Variants in CCDC181 observed in about 807,000 individuals in gnomAD.
The protein encoded by CCDC181 is coiled-coil domain containing 181, also known as coiled-coil domain-containing protein 181.
CCDC181 carries 35 observed loss-of-function variants against 58.7 expected under a neutral mutation model. The observed-to-expected ratio is 0.60, with a 90% confidence interval of 0.46 to 0.79. The LOEUF is 0.79. Ranked by LOEUF, CCDC181 falls within the 30% of genes least tolerant of loss-of-function variation. The pLI is 0.00. For missense variants in CCDC181, 517 were observed against 583.9 expected (o/e 0.89, Z 1.18); for synonymous variants, 183 against 197.5 (o/e 0.93, Z 0.62).
At chr1:169,411,863 C>T (rs892868740) in intron 4 of CCDC181, among the ~76,000 whole-genome samples, 15 of 152,096 alleles carry the variant, frequency 9.9e-5, no homozygotes, top group Non-Finnish European at 2.2e-4. Flanking sequence ...AAACTAGGTA[C>T]TGATGGCACG....
At chr1:169,454,099 A>AAAAAGC (rs1304457963) in intron 2 of CCDC181, among the ~76,000 whole-genome samples, 38 of 152,178 alleles carry the variant, frequency 2.5e-4, no homozygotes, top group Middle Eastern at 3.4e-3. Flanking sequence ...TTTAGAATGT[A>AAAAAGC]CTCATTATAA....
At chr1:169,438,125 C>T (rs188723014) in intron 2 of CCDC181, among the ~76,000 whole-genome samples, 5 of 152,220 alleles carry the variant, frequency 3.3e-5, no homozygotes, top group Admixed American at 6.5e-5. Context: ...ATATCCCTCT[C>T]TCCATTATAT....
chr1:169,431,194 C>T (rs941980556), upstream of CCDC181, among the ~76,000 whole-genome samples: 6 of 152,132 alleles, frequency 3.9e-5, no homozygotes, highest in African/African-American at 1.4e-4. Flanking sequence ...GATTTTATAT[C>T]CTGAAACTTT....
intron 4 of CCDC181, among the ~76,000 whole-genome samples, chr1:169,400,490 C>G (rs903339125): frequency 1.3e-5 from 2 of 151,816 alleles, no homozygotes; most frequent in Non-Finnish European, 2.9e-5. Flanking sequence ...AAATGTGACC[C>G]ATAATCCAGA....
At chr1:169,410,346 C>G (rs1193664066) in intron 4 of CCDC181, among the ~76,000 whole-genome samples, 1 of 152,160 alleles carries the variant, frequency 6.6e-6, no homozygotes, top group Admixed American at 6.5e-5. Flanking sequence ...AGCTAACTAT[C>G]CTAAATATAT....
chr1:169,409,345 G>GA (rs1655833693), intron 4 of CCDC181, among the ~76,000 whole-genome samples: 1 of 152,118 alleles, frequency 6.6e-6, no homozygotes. Flanking sequence ...AGAGAAAAAA[G>GA]AATGAAAAGG....
chr1:169,414,305 T>G (rs937281859), intron 4 of CCDC181, among the ~76,000 whole-genome samples: 1 of 152,126 alleles, frequency 6.6e-6, no homozygotes, highest in Non-Finnish European at 1.5e-5. Flanking sequence ...CCCACAACAC[T>G]TGAAAATACA....
Position 169,422,004 on chromosome 1 carries a change from GTTC to G in CCDC181, c.424_426del (p.Glu142del), listed in dbSNP as rs1424011687. 1 of 1,613,852 alleles carries G rather than the reference GTTC, an allele frequency of 6.2e-7. No homozygotes were observed. The highest frequency in any genetic ancestry group is 8.5e-7 in the Non-Finnish European group (1 of 1,179,976). ...TTTCGCTCCCTTTTATCATTCACCG[GTTC>G]TTGATTCTGTAGAAGCTTGTTAGCT... On this transcript the variant is annotated inframe_deletion, in exon 3 of 6. Transcript: ENST00000367806.
intron 4 of CCDC181, among the ~76,000 whole-genome samples, chr1:169,411,144 A>G (rs1358369119): frequency 6.6e-6 from 1 of 152,200 alleles, no homozygotes; most frequent in Non-Finnish European, 1.5e-5. Context: ...CGCTATCCAG[A>G]CTAATAAAGA....
upstream of CCDC181, among the ~76,000 whole-genome samples, chr1:169,428,374 T>C (rs1656802109): frequency 6.6e-6 from 1 of 152,210 alleles, no homozygotes; most frequent in Non-Finnish European, 1.5e-5. Context: ...TCTCCTTTAA[T>C]GGATGTAGAG....
intron 2 of CCDC181, among the ~76,000 whole-genome samples, chr1:169,445,103 G>A (rs1023503688): frequency 6.6e-6 from 1 of 152,050 alleles, no homozygotes; most frequent in African/African-American, 2.4e-5. Flanking sequence ...GTATAACAAG[G>A]TCTTTCCCAT....
chr1:169,399,553 G>C (rs1244842592), intron 4 of CCDC181, among the ~76,000 whole-genome samples: 1 of 152,044 alleles, frequency 6.6e-6, no homozygotes, highest in African/African-American at 2.4e-5. Flanking sequence ...CTCAATAGTG[G>C]AGGGAACCAA....
chr1:169,415,861 T>C lies in CCDC181; in HGVS notation c.1215+3152A>G, dbSNP rs1008096634. ...CACTTGCCACGTATTTCTATGGCCATATCCTCATCACACAAACTACTCCAC... is the reference window on the plus strand; with the variant it reads ...CACTTGCCACGTATTTCTATGGCCACATCCTCATCACACAAACTACTCCAC... On this transcript the variant is annotated intron_variant, in intron 4 of 5. Coordinates refer to ENST00000367806, the MANE Select transcript of CCDC181 (RefSeq NM_001300969.2). Among the ~76,000 whole-genome samples, 11 of 152,300 alleles carry C rather than the reference T, an allele frequency of 7.2e-5. No homozygotes were observed. In the South Asian group the frequency reaches 2.3e-3, roughly 32 times the overall value.
chr1:169,441,961 T>A (rs1256307976), intron 2 of CCDC181, among the ~76,000 whole-genome samples: 1 of 152,134 alleles, frequency 6.6e-6, no homozygotes, highest in African/African-American at 2.4e-5. Flanking sequence ...TTATCTGTCA[T>A]CATTTACTAT....
intron 2 of CCDC181, chr1:169,442,506 G>A (rs1466533280): frequency 6.6e-6 from 1 of 152,074 alleles, no homozygotes; most frequent in African/African-American, 2.4e-5. Flanking sequence ...CCAGAAAGTA[G>A]AATGTGATAA....
At chr1:169,411,217 T>A (rs1655944841) in intron 4 of CCDC181, among the ~76,000 whole-genome samples, 1 of 152,150 alleles carries the variant, frequency 6.6e-6, no homozygotes, top group African/African-American at 2.4e-5. Context: ...TCACCACTGA[T>A]TTCACAGAAA....
intron 2 of CCDC181, among the ~76,000 whole-genome samples, chr1:169,422,930 T>TA (rs1455654262): frequency 3.3e-5 from 5 of 151,002 alleles, no homozygotes; most frequent in Admixed American, 1.3e-4. Flanking sequence ...GGCCTTAAAT[T>TA]AAAAAAAGTT....
In CCDC181 at chr1:169,395,076, GT is replaced by G; in HGVS notation, c.1500del (p.Lys500AsnfsTer15). 1 of 1,607,308 alleles carries G rather than the reference GT, an allele frequency of 6.2e-7. No individual in the cohort carries two copies. The highest frequency in any genetic ancestry group is 1.3e-5 in the African/African-American group (1 of 74,584). ...TTATAATGATCAGTAAAACGAAAAG[GT>G]TTGGCTTCTGACATATATAGGTGGT... Reference protein sequence around the residue: ...LQHHLYMSEAKPFRFTDHYN With the variant: ...LQHHLYMSEAXPFRFTDHYN On this transcript the variant is annotated frameshift_variant, in exon 6 of 6. Transcript: ENST00000367806. LOFTEE classifies it high-confidence loss of function.
chr1:169,421,563 A>T lies in CCDC181; in HGVS notation c.868T>A (p.Tyr290Asn). 1 of 1,614,126 alleles carries T rather than the reference A, an allele frequency of 6.2e-7. No homozygotes were observed. Among genetic ancestry groups the T allele is most frequent in the Non-Finnish European group, 8.5e-7 (1 of 1,180,016 alleles). The stretch of plus-strand genomic sequence containing the variant: ...CGGTTGAGTGGTGGCTGAGCGATAT[A>T]AGCCAGCGGCTCTCCTGTTGATGAG... ...THSSTGEPLA[Y>N]IAQPPLNRKT... The change falls in exon 3 of 6, where the codon TAT (tyrosine) becomes AAT (asparagine). Residue 290 changes from tyrosine (Y) to asparagine (N), a missense_variant. Tyr to Asn is a moderately radical substitution (Grantham distance 143). Transcript: ENST00000367806.
Sources: allele counts gnomAD v4.1 joint callset (sites outside exome capture counted in the v4.1 genomes callset), GRCh38; gene constraint gnomAD v4.1.1; transcripts MANE v1.5; gene names NCBI Gene and HGNC (gene_info 2026-07-23, HGNC 2026-07-21).